The following RIMS1 variants were observed in gnomAD, a reference collection of about 807,000 sequenced individuals.
The protein encoded by RIMS1 is regulating synaptic membrane exocytosis 1, also known as regulating synaptic membrane exocytosis protein 1.
In RIMS1, 83 loss-of-function variants were observed where a neutral mutation model predicts 214.1. The observed-to-expected ratio is 0.39, with a 90% CI of 0.32 to 0.47. The LOEUF is 0.47. RIMS1 is among the 20% of genes least tolerant of loss of function. The pLI, the probability that RIMS1 is intolerant of heterozygous loss-of-function variation, is 0.99. For synonymous variants in RIMS1, 793 were observed against 786.8 expected, an observed-to-expected ratio of 1.01 and a Z score of -0.13; for missense variants, 2,050 against 2,161.8, an observed-to-expected ratio of 0.95 and a Z score of 1.03.
chr6:72,074,775 GT>G (rs1472810213), intron 2 of RIMS1, among the ~76,000 whole-genome samples: 18 of 152,212 alleles, frequency 1.2e-4, no homozygotes, highest in Admixed American at 1.1e-3. Flanking sequence ...TGTTTCTGCA[GT>G]TTAGATAGCT....
chr6:72,065,308 T>C (rs1829013263), intron 2 of RIMS1, among the ~76,000 whole-genome samples: 5 of 152,216 alleles, frequency 3.3e-5, no homozygotes, highest in Admixed American at 3.3e-4. Context: ...GAATTATTTT[T>C]ATGAGTAGTT....
intron 1 of RIMS1, among the ~76,000 whole-genome samples, chr6:71,938,234 C>T (rs528822109): frequency 6.6e-6 from 1 of 152,128 alleles, no homozygotes. Context: ...TGGAGTTGTG[C>T]CTGCAGTCTT....
chr6:72,340,226 C>T (rs1281616614), intron 29 of RIMS1, among the ~76,000 whole-genome samples: 5 of 151,778 alleles, frequency 3.3e-5, no homozygotes, highest in Admixed American at 6.6e-5. Context: ...TTCTCCCATT[C>T]TGTAGGTTGC....
At chr6:72,328,764 A>G (rs1292140350) in intron 28 of RIMS1, among the ~76,000 whole-genome samples, 1 of 151,710 alleles carries the variant, frequency 6.6e-6, no homozygotes, top group Non-Finnish European at 1.5e-5. Flanking sequence ...CAGTATGCAC[A>G]ATATATTTCT....
At chr6:72,196,580 C>CT (rs61651151) in intron 6 of RIMS1, among the ~76,000 whole-genome samples, 15,982 of 57,100 alleles carry the variant, frequency 0.28, 3,831 homozygotes, top group South Asian at 0.35. Context: ...GCCAGCTGCA[C>CT]TTTTTTTTTT....
chr6:71,903,058 G>T (rs1257430222), intron 1 of RIMS1, among the ~76,000 whole-genome samples: 1 of 152,112 alleles, frequency 6.6e-6, no homozygotes, highest in Non-Finnish European at 1.5e-5. Context: ...TGGGATTGCT[G>T]GGTCAAATGC....
chr6:72,151,225 G>A (rs1052983649), intron 4 of RIMS1, among the ~76,000 whole-genome samples: 2 of 152,036 alleles, frequency 1.3e-5, no homozygotes, highest in Admixed American at 1.3e-4. Context: ...TGTATTTTTA[G>A]TAGAGACGGG....
intron 2 of RIMS1, among the ~76,000 whole-genome samples, chr6:72,053,697 C>T (rs1197317675): frequency 1.3e-5 from 2 of 151,926 alleles, no homozygotes; most frequent in Non-Finnish European, 2.9e-5. Flanking sequence ...TAGAAAAGAA[C>T]ACAAAGAAGT....
At chr6:71,974,972 C>T (rs1006034900) in intron 2 of RIMS1, among the ~76,000 whole-genome samples, 4 of 152,024 alleles carry the variant, frequency 2.6e-5, no homozygotes, top group African/African-American at 7.2e-5. Flanking sequence ...ATGGGTGCAC[C>T]AGGTTCTCAC....
intron 27 of RIMS1, among the ~76,000 whole-genome samples, 176 bp from the exon 28 acceptor site, chr6:72,313,330 A>G (rs746369210): frequency 1.5e-4 from 23 of 152,154 alleles, no homozygotes; most frequent in Non-Finnish European, 2.6e-4. Flanking sequence ...CACTCAAAGG[A>G]TAATGTTTTT....
At chr6:71,934,630 T>G (rs866456709) in intron 1 of RIMS1, among the ~76,000 whole-genome samples, 4 of 152,186 alleles carry the variant, frequency 2.6e-5, no homozygotes, top group Non-Finnish European at 5.9e-5. Flanking sequence ...ATTTATAGAT[T>G]AGTCATTGTG....
chr6:72,230,771 C>A (rs1022601438), intron 6 of RIMS1, among the ~76,000 whole-genome samples: 9 of 151,394 alleles, frequency 5.9e-5, no homozygotes, highest in African/African-American at 2.2e-4. Flanking sequence ...AGTTTAATAA[C>A]CTACTTTTTC....
intron 25 of RIMS1, among the ~76,000 whole-genome samples, 171 bp from the exon 26 acceptor site, chr6:72,291,763 C>G (rs2093421334): frequency 6.6e-6 from 1 of 152,144 alleles, no homozygotes; most frequent in Non-Finnish European, 1.5e-5. Flanking sequence ...TCATTTAACC[C>G]CTTTTTGTAA....
At chr6:72,305,946 A>C (rs2095111188) in intron 26 of RIMS1, among the ~76,000 whole-genome samples, 1 of 152,182 alleles carries the variant, frequency 6.6e-6, no homozygotes, top group East Asian at 1.9e-4. Context: ...CACAAATTCC[A>C]AATTTTATTA....
intron 2 of RIMS1, among the ~76,000 whole-genome samples, chr6:71,969,434 A>C (rs1795265040): frequency 6.6e-6 from 1 of 152,328 alleles, no homozygotes; most frequent in South Asian, 2.1e-4. Context: ...AGTGGGGGCC[A>C]GTGTGTTTAA....
chr6:72,390,975 C>T (rs1387399570), intron 30 of RIMS1: 1 of 385,684 alleles, frequency 2.6e-6, no homozygotes, highest in Admixed American at 4.2e-5. Flanking sequence ...AAATTGATTT[C>T]TTGCATCTAG....
At chr6:72,291,205 A>G (rs376342909) in intron 25 of RIMS1, among the ~76,000 whole-genome samples, 78 of 152,316 alleles carry the variant, frequency 5.1e-4, no homozygotes, top group Middle Eastern at 3.4e-3. Context: ...TTTAAAAAGC[A>G]TAAGAGGAAA....
chr6:71,886,995 C>A lies in RIMS1; in HGVS notation c.-29C>A, dbSNP rs746483940. The stretch of plus-strand genomic sequence containing the variant: ...CATCCGAAAGGTGAGAGCCAGAGAG[C>A]GAGCAGAGGGGGCGGGCAGGCCACG... On this transcript the variant is annotated 5_prime_UTR_variant, in exon 1 of 34. Transcript: ENST00000521978. 3.1e-6 allele frequency: 5 copies of A among 1,606,394 alleles called. No homozygotes were observed. Among genetic ancestry groups the A allele is most frequent in the African/African-American group, 1.3e-5 (1 of 74,764 alleles).
chr6:72,025,602 A>G (rs773673380), intron 2 of RIMS1, among the ~76,000 whole-genome samples: 2 of 152,196 alleles, frequency 1.3e-5, no homozygotes, highest in Non-Finnish European at 2.9e-5. Flanking sequence ...CCAAAATAAT[A>G]TTTTGTCTAG....
Sources: gnomAD v4.1 joint callset for allele counts (sites outside exome capture counted in the v4.1 genomes callset) on GRCh38, gnomAD v4.1.1 for gene constraint, MANE v1.5 for transcripts, NCBI Gene and HGNC (gene_info 2026-07-23, HGNC 2026-07-21) for gene names.